PTGIR: variants seen among roughly 807,000 people sequenced by gnomAD.
PTGIR encodes prostacyclin receptor.
PTGIR carries 16 observed loss-of-function variants against 17.6 expected under a neutral mutation model. The ratio of observed to expected loss-of-function variants is 0.91; its 90% CI spans 0.61 to 1.38. The LOEUF (loss-of-function observed/expected upper bound fraction) is 1.38, where lower values mean the gene tolerates loss of function less well. PTGIR is among the 40% of genes most tolerant of loss of function. The probability of loss-of-function intolerance (pLI) is 0.00; values close to 1 mark genes in which losing one functional copy is unlikely to be tolerated. For synonymous variants in PTGIR, 274 were observed against 255.4 expected (o/e 1.07, Z -0.69); for missense variants, 532 against 548.6 (o/e 0.97, Z 0.30).
chr19:46,618,054 G>A (rs552707982), downstream of PTGIR, among the ~76,000 whole-genome samples: 6 of 138,756 alleles, frequency 4.3e-5, no homozygotes, highest in East Asian at 2.0e-4. Context: ...TGGCTCTGTC[G>A]CCCAGGCTGG....
chr19:46,621,758 G>A lies in PTGIR; in HGVS notation c.769-86C>T. 1 of 1,512,832 alleles carries A rather than the reference G, an allele frequency of 6.6e-7. No homozygotes were observed. The highest frequency in any genetic ancestry group is 8.9e-7 in the Non-Finnish European group (1 of 1,129,606). 93.7% of individuals were successfully genotyped at this position (1,512,832 alleles called of 1,614,324 possible). On this transcript the variant is annotated intron_variant, in intron 2 of 2. Transcript: ENST00000291294. The surrounding 1 kb of genome is among the most constrained non-coding windows in gnomAD (Gnocchi z 4.8). ...TCCCTCCTCCCACTTGCTTACCAGG[G>A]ATGAGGTAGGGGTGACATGTCAGAG... is the stretch of plus-strand genomic sequence containing the variant.
At chr19:46,622,094 C>T (rs1284404658) in intron 2 of PTGIR, 1 of 985,322 alleles carries the variant, frequency 1.0e-6, no homozygotes, top group Non-Finnish European at 1.2e-6. Context: ...TTTAAGGACC[C>T]CCCAATCCGG....
chr19:46,622,523 A>G (rs370617915), intron 2 of PTGIR: 89 of 407,200 alleles, frequency 2.2e-4, no homozygotes, highest in African/African-American at 3.3e-4. Flanking sequence ...GAAGTGCTCA[A>G]TGAGTGGTGG....
downstream of PTGIR, among the ~76,000 whole-genome samples, chr19:46,619,543 A>AG (rs1972014827): frequency 4.4e-5 from 3 of 68,658 alleles, no homozygotes; most frequent in Non-Finnish European, 9.3e-5. Flanking sequence ...GAAAGAAAGA[A>AG]AGAAAGAGAG....
intron 1 of PTGIR, 34 bp from the exon 2 acceptor site, chr19:46,624,271 G>A: frequency 7.1e-7 from 1 of 1,414,394 alleles, no homozygotes; most frequent in Non-Finnish European, 9.2e-7. Context: ...GTCAGAGGGA[G>A]CCAGGGCTAC....
chr19:46,618,547 C>T (rs1971996029), downstream of PTGIR, among the ~76,000 whole-genome samples: 1 of 152,202 alleles, frequency 6.6e-6, no homozygotes, highest in Non-Finnish European at 1.5e-5. Flanking sequence ...GATCCTCCCG[C>T]CTCAGCCTCC....
the PTGIR span, among the ~76,000 whole-genome samples, chr19:46,613,563 C>T: frequency 6.6e-6 from 1 of 152,070 alleles, no homozygotes; most frequent in African/African-American, 2.4e-5. Flanking sequence ...AACTCCTGAG[C>T]TCAGGCAGTC....
At chr19:46,618,205 A>C (rs946764585), downstream of PTGIR, among the ~76,000 whole-genome samples, 6 of 151,924 alleles carry the variant, frequency 3.9e-5, no homozygotes, top group Non-Finnish European at 5.9e-5. Context: ...TAGTAGAGAT[A>C]GGGTTTCACT....
At chr19:46,613,890 T>C in the PTGIR span, among the ~76,000 whole-genome samples, 35 of 152,180 alleles carry the variant, frequency 2.3e-4, no homozygotes, top group Non-Finnish European at 7.3e-5. Context: ...CGCATCCCGG[T>C]ACCCATGCTT....
At chr19:46,619,552 A>G (rs1460535527), downstream of PTGIR, among the ~76,000 whole-genome samples, 3 of 70,978 alleles carry the variant, frequency 4.2e-5, no homozygotes, top group Admixed American at 1.4e-4. Flanking sequence ...AAAGAAAGAG[A>G]GAGAGAGAGA....
chr19:46,621,028 G>C lies in PTGIR; in HGVS notation c.*252C>G. ...GAGATGGATGGGGAATCCAGGGCCA[G>C]AGCAGGTCGGCCAGGCCACTGGTTA... On this transcript the variant is annotated 3_prime_UTR_variant, in exon 3 of 3. Coordinates refer to ENST00000291294, the MANE Select transcript of PTGIR (RefSeq NM_000960.4). The surrounding 1 kb of genome is among the most constrained non-coding windows in gnomAD (Gnocchi z 4.8). 1.7e-6 allele frequency: 2 copies of C among 1,198,948 alleles called. No homozygotes were observed. The highest frequency in any genetic ancestry group is 2.1e-6 in the Non-Finnish European group (2 of 966,582). 74.3% of individuals were successfully genotyped at this position (1,198,948 alleles called of 1,614,324 possible). A position where few individuals can be genotyped will look rare whatever the true frequency, so the allele number is the denominator to read the frequency against.
chr19:46,620,833 G>C lies in PTGIR; in HGVS notation c.*447C>G, dbSNP rs1311283442. The C allele has an allele frequency of 1.2e-4, 121 of 988,182 alleles. No homozygotes were observed. Among genetic ancestry groups the C allele is most frequent in the Non-Finnish European group, 1.4e-4 (119 of 831,758 alleles). The allele number at this position is 988,182 out of a possible 1,614,324, so 61.2% of individuals were successfully genotyped here. A position where few individuals can be genotyped will look rare whatever the true frequency, so the allele number is the denominator to read the frequency against. ...TGTGGTTTTTGTGGAGCAGAAAGGG[G>C]CTGGCTCTTGGAGTGGCTTGGTAGA... On this transcript the variant is annotated 3_prime_UTR_variant, in exon 3 of 3. Transcript: ENST00000291294.
chr19:46,617,209 C>T (rs575629970), downstream of PTGIR, among the ~76,000 whole-genome samples: 13 of 152,280 alleles, frequency 8.5e-5, no homozygotes, highest in East Asian at 2.1e-3. Flanking sequence ...CTCCAGGTGG[C>T]GCCTGAGCCC....
At chr19:46,614,957 G>C in the PTGIR span, among the ~76,000 whole-genome samples, 1 of 152,198 alleles carries the variant, frequency 6.6e-6, no homozygotes, top group East Asian at 1.9e-4. Context: ...AGGGGGCAGA[G>C]GTTGGAGCGA....
chr19:46,616,968 G>A (rs1248724451), downstream of PTGIR, among the ~76,000 whole-genome samples: 1 of 152,288 alleles, frequency 6.6e-6, no homozygotes, highest in East Asian at 1.9e-4. Context: ...AGGGCCCGCT[G>A]AGGGAGGAGT....
At chr19:46,618,051 G>T (rs1375001771), downstream of PTGIR, among the ~76,000 whole-genome samples, 2 of 140,262 alleles carry the variant, frequency 1.4e-5, no homozygotes, top group African/African-American at 5.5e-5. Context: ...GTCTGGCTCT[G>T]TCGCCCAGGC....
the PTGIR span, among the ~76,000 whole-genome samples, chr19:46,614,001 A>AT: frequency 6.6e-6 from 1 of 152,052 alleles, no homozygotes; most frequent in Non-Finnish European, 1.5e-5. Context: ...TTCCCTTCCC[A>AT]TTTTTTATTA....
At chr19:46,617,167 G>GC (rs202160794), downstream of PTGIR, among the ~76,000 whole-genome samples, 400 of 134,588 alleles carry the variant, frequency 3.0e-3, 6 homozygotes, top group Admixed American at 0.028. Flanking sequence ...AAGGCCTGCA[G>GC]GGGGGTGGGA....
At chr19:46,611,141 GGCAGTCCCCTA>G in the PTGIR span, among the ~76,000 whole-genome samples, 1 of 152,164 alleles carries the variant, frequency 6.6e-6, no homozygotes, top group South Asian at 2.1e-4. Flanking sequence ...CTGAAAGATG[GGCAGTCCCCTA>G]GCCGGGTAGG....
Sources: allele counts gnomAD v4.1 joint callset (sites outside exome capture counted in the v4.1 genomes callset), GRCh38; gene constraint gnomAD v4.1.1; non-coding constraint Gnocchi (gnomAD v3.1); transcripts MANE v1.5; gene names NCBI Gene and HGNC (gene_info 2026-07-23, HGNC 2026-07-21).